The following ZNF236 variants were observed in gnomAD, a reference collection of about 807,000 sequenced individuals.
ZNF236 encodes the protein zinc finger protein 236, also known as regulated by glucose.
ZNF236 carries 50 observed loss-of-function variants against 191.2 expected under a neutral mutation model. The ratio of observed to expected loss-of-function variants is 0.26; its 90% CI spans 0.21 to 0.33. The LOEUF is 0.33. Ranked by LOEUF, ZNF236 falls within the 10% of genes least tolerant of loss-of-function variation. The pLI, the probability that ZNF236 is intolerant of heterozygous loss-of-function variation, is 1.00. For missense variants in ZNF236, 1,754 were observed against 2,374.5 expected, an observed-to-expected ratio of 0.74 and a Z score of 5.43; for synonymous variants, 907 against 928.8, an observed-to-expected ratio of 0.98 and a Z score of 0.43.
At chr18:76,888,074 A>T (rs1977111355) in intron 9 of ZNF236, 1 of 152,056 alleles carries the variant, frequency 6.6e-6, no homozygotes, top group Non-Finnish European at 1.5e-5. Context: ...AAAAAAAAAA[A>T]AAGCATAAAA....
intron 1 of ZNF236, among the ~76,000 whole-genome samples, chr18:76,823,271 C>T (rs2122344128): frequency 6.6e-6 from 1 of 150,726 alleles, no homozygotes; most frequent in East Asian, 2.0e-4. Context: ...CCAGTGTTAT[C>T]TGGGGCGCGC....
intron 1 of ZNF236, among the ~76,000 whole-genome samples, chr18:76,832,445 T>TA (rs1449602703): frequency 6.6e-6 from 1 of 151,570 alleles, no homozygotes; most frequent in East Asian, 1.9e-4. Flanking sequence ...GGTCAGGATT[T>TA]TTTTTTTTTT....
chr18:76,847,152 A>G (rs1365712602), intron 1 of ZNF236, among the ~76,000 whole-genome samples: 2 of 152,020 alleles, frequency 1.3e-5, no homozygotes, highest in African/African-American at 4.8e-5. Context: ...TTATCTATCA[A>G]TTTCAGTTAA....
intron 25 of ZNF236, among the ~76,000 whole-genome samples, chr18:76,928,958 A>G (rs1424881452): frequency 6.6e-6 from 1 of 150,786 alleles, no homozygotes; most frequent in Non-Finnish European, 1.5e-5. Context: ...TGATGTTAAC[A>G]AAGACATTTT....
At chr18:76,847,659 C>G (rs1014567711) in intron 1 of ZNF236, among the ~76,000 whole-genome samples, 4 of 152,002 alleles carry the variant, frequency 2.6e-5, no homozygotes, top group African/African-American at 4.8e-5. Context: ...TTAGTAGAGA[C>G]AGGGTTTCAC....
intron 1 of ZNF236, among the ~76,000 whole-genome samples, chr18:76,827,658 T>C (rs1023227115): frequency 6.6e-6 from 1 of 152,170 alleles, no homozygotes; most frequent in African/African-American, 2.4e-5. Flanking sequence ...TTGTTAAAAT[T>C]CAAGCCTAAA....
intron 30 of ZNF236, among the ~76,000 whole-genome samples, chr18:76,965,765 C>T (rs988865642): frequency 6.6e-6 from 1 of 152,182 alleles, no homozygotes; most frequent in Non-Finnish European, 1.5e-5. Flanking sequence ...CCATGGGTAC[C>T]GGTGCCTGTT....
Position 76,838,036 on chromosome 18 carries a change from G to T in ZNF236, c.56-11490G>T, listed in dbSNP as rs533241365. ...GTACATGTCATATTTAGAAGACATT[G>T]CACATTTTTAGGAAATACATACCTT... is the stretch of plus-strand genomic sequence containing the variant. On this transcript the variant is annotated intron_variant, in intron 1 of 30. Transcript: ENST00000320610. Among the ~76,000 whole-genome samples the T allele has an allele frequency of 1.3e-5, 2 of 152,294 alleles. 1 individual carries two copies. The highest frequency in any genetic ancestry group is 4.1e-4 in the South Asian group (2 of 4,826).
Position 76,923,051 on chromosome 18 carries a change from A to G in ZNF236, c.3558-20A>G, listed in dbSNP as rs773256646. On this transcript the variant is annotated intron_variant, in intron 20 of 30. Coordinates refer to ENST00000320610, the MANE Select transcript of ZNF236 (RefSeq NM_001306089.2). Reference sequence around the variant, plus strand: ...TGAAGTCGTTTGTCAATATGTCTATAATTAATGCTTTTTGGATAGGCATGT... The same window carrying G: ...TGAAGTCGTTTGTCAATATGTCTATGATTAATGCTTTTTGGATAGGCATGT... The G allele has an allele frequency of 1.3e-6, 2 of 1,560,462 alleles. No individual in the cohort carries two copies. Among genetic ancestry groups the G allele is most frequent in the Admixed American group, 3.3e-5 (2 of 59,810 alleles).
chr18:76,895,309 C>G, intron 10 of ZNF236, 24 bp downstream of exon 10: 1 of 1,593,978 alleles, frequency 6.3e-7, no homozygotes, highest in Non-Finnish European at 8.5e-7. Context: ...GCTGGGCCCA[C>G]ACGGGCACTG....
chr18:76,914,025 G>A (rs1283654125), intron 18 of ZNF236, 127 bp downstream of exon 18: 1 of 1,052,318 alleles, frequency 9.5e-7, no homozygotes, highest in Non-Finnish European at 1.4e-6. Flanking sequence ...TATGTTCATA[G>A]AGTTCTGCAA....
intron 14 of ZNF236, 54 bp from the exon 15 acceptor site, chr18:76,910,014 T>C: frequency 7.2e-7 from 1 of 1,380,176 alleles, no homozygotes; most frequent in South Asian, 1.2e-5. Context: ...AGATTTGCAG[T>C]TGTGAAATAA....
intron 1 of ZNF236, among the ~76,000 whole-genome samples, chr18:76,823,835 C>T (rs1456942267): frequency 6.6e-6 from 1 of 152,138 alleles, no homozygotes; most frequent in Non-Finnish European, 1.5e-5. Context: ...GGGTAGGGGG[C>T]GCCGCGCTTT....
intron 1 of ZNF236, among the ~76,000 whole-genome samples, chr18:76,832,253 G>A (rs1387421658): frequency 6.6e-6 from 1 of 151,986 alleles, no homozygotes; most frequent in Non-Finnish European, 1.5e-5. Context: ...CTAATTTTTT[G>A]TATTTTCAGT....
In ZNF236 at chr18:76,875,683, C is replaced by A; in HGVS notation, c.840+19C>A. On this transcript the variant is annotated intron_variant, in intron 6 of 30. Coordinates refer to ENST00000320610, the MANE Select transcript of ZNF236 (RefSeq NM_001306089.2). The surrounding 1 kb of genome is among the most constrained non-coding windows in gnomAD (Gnocchi z 4.3). ...CTCAGAGGTAAACACGGGTTGGGGG[C>A]ATAAGCGGTATTTCACAGGGGACAG... is the stretch of plus-strand genomic sequence containing the variant. 1 of 1,520,522 alleles carries A rather than the reference C, an allele frequency of 6.6e-7. No homozygotes were observed. The allele number at this position is 1,520,522 out of a possible 1,614,324, so 94.2% of individuals were successfully genotyped here.
At chr18:76,913,994 G>C in intron 18 of ZNF236, 96 bp downstream of exon 18, 1 of 1,316,570 alleles carries the variant, frequency 7.6e-7, no homozygotes. Flanking sequence ...CACTTAAAGT[G>C]TACAATTCAG....
intron 1 of ZNF236, among the ~76,000 whole-genome samples, chr18:76,825,719 G>T (rs904012374): frequency 6.6e-6 from 1 of 152,112 alleles, no homozygotes. Flanking sequence ...TTTCTAATAG[G>T]ACAAACATCA....
At chr18:76,930,650 A>T (rs1967820702) in intron 25 of ZNF236, among the ~76,000 whole-genome samples, 1 of 152,214 alleles carries the variant, frequency 6.6e-6, no homozygotes, top group Non-Finnish European at 1.5e-5. Flanking sequence ...AAACCGCAGC[A>T]TCGTGGGCTC....
At chr18:76,855,318 AT>A (rs1205492754) in intron 3 of ZNF236, among the ~76,000 whole-genome samples, 1 of 152,238 alleles carries the variant, frequency 6.6e-6, no homozygotes, top group Non-Finnish European at 1.5e-5. Flanking sequence ...AAATCAAACA[AT>A]AGAGAAGGCT....
Sources: allele counts gnomAD v4.1 joint callset (sites outside exome capture counted in the v4.1 genomes callset), GRCh38; gene constraint gnomAD v4.1.1; non-coding constraint Gnocchi (gnomAD v3.1); transcripts MANE v1.5; gene names NCBI Gene and HGNC (gene_info 2026-07-23, HGNC 2026-07-21).